SLC35B4: variants seen among roughly 807,000 people sequenced by gnomAD.
SLC35B4 encodes the protein nucleotide sugar transporter SLC35B4.
Under a neutral mutation model 39.5 loss-of-function variants are expected in SLC35B4, and 28 were observed. The ratio of observed to expected loss-of-function variants is 0.71; its 90% confidence interval spans 0.53 to 0.97. The LOEUF (loss-of-function observed/expected upper bound fraction) is 0.97, where lower values mean the gene tolerates loss of function less well. Among genes scored for constraint, SLC35B4 ranks in the 50% least tolerant of loss-of-function variants. The pLI, the probability that SLC35B4 is intolerant of heterozygous loss-of-function variation, is 0.00. For synonymous variants in SLC35B4, 145 were observed against 150.4 expected (o/e 0.96, Z 0.26); for missense variants, 334 against 414.3 (o/e 0.81, Z 1.68).
chr7:134,310,911 T>C (rs760449000), intron 1 of SLC35B4, among the ~76,000 whole-genome samples: 14 of 152,144 alleles, frequency 9.2e-5, no homozygotes, highest in African/African-American at 1.7e-4. Context: ...AATTGTATTA[T>C]TACATATTAA....
Position 134,304,804 on chromosome 7 carries a change from C to T in SLC35B4, c.344+1G>A. The T allele has an allele frequency of 6.2e-7, 1 of 1,607,372 alleles. No individual in the cohort carries two copies. The highest frequency in any genetic ancestry group is 8.5e-7 in the Non-Finnish European group (1 of 1,174,006). ...ACAAAATACAGAAGTGTATTGTTTA[C>T]CTTTTCTTCAAAATGATAATTCCTA... is the stretch of plus-strand genomic sequence containing the variant. On this transcript the variant is annotated splice_donor_variant, in intron 4 of 9. Transcript: ENST00000378509. LOFTEE classifies it high-confidence loss of function.
intron 5 of SLC35B4, 67 bp from the exon 6 acceptor site, chr7:134,301,888 G>C: frequency 6.5e-7 from 1 of 1,534,782 alleles, no homozygotes; most frequent in Non-Finnish European, 9.0e-7. Context: ...ACATACAAGG[G>C]AAACATTTAT....
At chr7:134,303,992 GC>G (rs1213941761) in intron 4 of SLC35B4, among the ~76,000 whole-genome samples, 1 of 152,132 alleles carries the variant, frequency 6.6e-6, no homozygotes, top group African/African-American at 2.4e-5. Context: ...GGCTATTTGG[GC>G]CTTTTTAGGA....
At chr7:134,317,923 A>C (rs1197949332), upstream of SLC35B4, among the ~76,000 whole-genome samples, 3 of 152,264 alleles carry the variant, frequency 2.0e-5, no homozygotes, top group Admixed American at 6.5e-5. Flanking sequence ...AAAGGTTAGC[A>C]TCACTGCTCA....
chr7:134,318,862 C>T (rs933560464), upstream of SLC35B4, among the ~76,000 whole-genome samples: 3 of 152,176 alleles, frequency 2.0e-5, no homozygotes, highest in African/African-American at 7.2e-5. Flanking sequence ...CTGTCTTCAC[C>T]TACTGCAGTG....
rs1188879312 is a variant in SLC35B4, at chr7:134,309,484, A to G, written c.78-5T>C. 4 of 1,597,242 alleles carry G rather than the reference A, an allele frequency of 2.5e-6. No individual in the cohort carries two copies. The East Asian group carries it at 8.9e-5, about 36-fold the overall frequency. ...TTCCCACATCCTGGATGCTTCCTGT[A>G]TAGTGAATAATAAAAGAGGGGGTGA... On this transcript the variant is annotated splice_polypyrimidine_tract_variant and splice_region_variant and intron_variant, in intron 1 of 9. Coordinates refer to ENST00000378509, the MANE Select transcript of SLC35B4 (RefSeq NM_032826.5).
Position 134,316,663 on chromosome 7 carries a change from C to A in SLC35B4, c.77+12G>T, listed in dbSNP as rs1160133585. 6.5e-7 allele frequency: 1 copy of A among 1,549,292 alleles called. No homozygotes were observed. The stretch of plus-strand genomic sequence containing the variant: ...CCCGGGAGACCGGGTGCGGCCCGAG[C>A]GGGTCACTCACCGGGCCAGGAGCTC... On this transcript the variant is annotated intron_variant, in intron 1 of 9. Coordinates refer to ENST00000378509, the MANE Select transcript of SLC35B4 (RefSeq NM_032826.5).
intron 1 of SLC35B4, 49 bp downstream of exon 1, chr7:134,316,626 C>T: frequency 6.5e-7 from 1 of 1,540,294 alleles, no homozygotes; most frequent in Non-Finnish European, 8.8e-7. Flanking sequence ...CCTCTGGCTT[C>T]CTCCGCCCCG....
In SLC35B4 at chr7:134,294,649, G is replaced by A; in HGVS notation, c.*184C>T. On this transcript the variant is annotated 3_prime_UTR_variant, in exon 10 of 10. Transcript: ENST00000378509. ...TTCTTTTTTCTATTTTAGGGCTGAG[G>A]GGTTTCTATTTAGTCTACATGTGTC... 1.6e-6 allele frequency: 1 copy of A among 627,096 alleles called. No individual in the cohort carries two copies. The highest frequency in any genetic ancestry group is 2.1e-5 in the South Asian group (1 of 47,002). The allele number at this position is 627,096 out of a possible 1,614,324, so 38.8% of individuals were successfully genotyped here. A position where few individuals can be genotyped will look rare whatever the true frequency, so the allele number is the denominator to read the frequency against.
chr7:134,300,232 TCA>T lies in SLC35B4; in HGVS notation c.515_516del (p.Leu172HisfsTer27), dbSNP rs1405462289. 1 of 1,612,170 alleles carries T rather than the reference TCA, an allele frequency of 6.2e-7. No homozygotes were observed. Among genetic ancestry groups the T allele is most frequent in the Admixed American group, 1.7e-5 (1 of 59,298 alleles). On this transcript the variant is annotated frameshift_variant, in exon 7 of 10. Transcript: ENST00000378509. LOFTEE classifies it high-confidence loss of function. ...LGIGALTFALLMSARMGIFQE... is the reference protein window; with the variant it reads ...LGIGALTFALXMSARMGIFQE... Reference sequence around the variant, plus strand: ...TGGAATATCCCCATCCTTGCTGACATCAGAAGAGCAAAAGTCAATGCCCCAAT... The same window carrying T: ...TGGAATATCCCCATCCTTGCTGACATGAAGAGCAAAAGTCAATGCCCCAAT...
In SLC35B4 at chr7:134,291,415, G is replaced by A. The variant is rs1803327516; in HGVS notation, c.*3418C>T. On this transcript the variant is annotated 3_prime_UTR_variant, in exon 10 of 10. Transcript: ENST00000378509. ...GGCATAAACAGATACAAGATGATAA[G>A]TCTTTCTTAGCAGAAAACGCTGCAA... 1 of 152,220 alleles carries A rather than the reference G, an allele frequency of 6.6e-6. No homozygotes were observed. The highest frequency in any genetic ancestry group is 2.1e-4 in the South Asian group (1 of 4,840). The allele number at this position is 152,220 out of a possible 1,614,324, so 9.4% of individuals were successfully genotyped here.
intron 4 of SLC35B4, 146 bp downstream of exon 4, chr7:134,304,659 C>T: frequency 1.6e-6 from 1 of 609,670 alleles, no homozygotes; most frequent in Non-Finnish European, 2.9e-6. Flanking sequence ...CATGATTGGG[C>T]CTCACTGGTA....
At position 134,289,667 on chromosome 7, in the gene SLC35B4, C is replaced by T. The variant is rs987458401; in HGVS notation, c.*5166G>A. 36 of 152,534 alleles carry T rather than the reference C, an allele frequency of 2.4e-4. No individual in the cohort carries two copies. The highest frequency in any genetic ancestry group is 8.7e-4 in the African/African-American group (36 of 41,432). The allele number at this position is 152,534 out of a possible 1,614,324, so 9.4% of individuals were successfully genotyped here. On this transcript the variant is annotated 3_prime_UTR_variant, in exon 10 of 10. Transcript: ENST00000378509. ...ATGAGGCCATTCTCTGGAATGAAAG[C>T]AACTGGCACAGAAATGACTGGCAAT... is the stretch of plus-strand genomic sequence containing the variant.
chr7:134,301,044 T>G (rs954573449), intron 6 of SLC35B4, among the ~76,000 whole-genome samples: 1 of 152,218 alleles, frequency 6.6e-6, no homozygotes, highest in African/African-American at 2.4e-5. Context: ...TTCTGGAGTA[T>G]TTTTCTAATA....
upstream of SLC35B4, among the ~76,000 whole-genome samples, chr7:134,319,955 C>T (rs899276896): frequency 6.6e-6 from 1 of 152,154 alleles, no homozygotes; most frequent in South Asian, 2.1e-4. Flanking sequence ...CATCTTGGTG[C>T]CTTCAGCCTC....
chr7:134,313,387 A>C (rs919122151), intron 1 of SLC35B4, among the ~76,000 whole-genome samples: 3 of 152,246 alleles, frequency 2.0e-5, no homozygotes, highest in African/African-American at 7.2e-5. Context: ...ATTCAAGATC[A>C]GGCACTTGAA....
chr7:134,303,358 G>A (rs961036478), intron 4 of SLC35B4, among the ~76,000 whole-genome samples: 1 of 152,230 alleles, frequency 6.6e-6, no homozygotes, highest in Non-Finnish European at 1.5e-5. Context: ...TCCTTGTCAT[G>A]AGCCAGAATC....
intron 6 of SLC35B4, among the ~76,000 whole-genome samples, chr7:134,301,267 C>T (rs1014719744): frequency 1.3e-5 from 2 of 152,144 alleles, no homozygotes; most frequent in African/African-American, 4.8e-5. Flanking sequence ...TATTTAATTC[C>T]ACAGAGATCC....
intron 4 of SLC35B4, among the ~76,000 whole-genome samples, chr7:134,303,904 C>T (rs1433131904): frequency 6.6e-6 from 1 of 152,128 alleles, no homozygotes; most frequent in East Asian, 1.9e-4. Flanking sequence ...CTGCTCCTGT[C>T]CCCCCTGCTC....
Sources: allele counts gnomAD v4.1 joint callset (sites outside exome capture counted in the v4.1 genomes callset), GRCh38; gene constraint gnomAD v4.1.1; transcripts MANE v1.5; gene names NCBI Gene and HGNC (gene_info 2026-07-23, HGNC 2026-07-21).